Variants in PSD3 observed in about 807,000 individuals in gnomAD.
PSD3 encodes the protein pleckstrin and Sec7 domain containing 3, also known as PH and SEC7 domain-containing protein 3.
In PSD3, 49 loss-of-function variants were observed where a neutral mutation model predicts 105.5. The ratio of observed to expected loss-of-function variants is 0.46; its 90% confidence interval spans 0.37 to 0.59. PSD3 has a LOEUF of 0.59. Ranked by LOEUF, PSD3 falls within the 20% of genes least tolerant of loss-of-function variation. The probability of loss-of-function intolerance (pLI) is 0.00; values close to 1 mark genes in which losing one functional copy is unlikely to be tolerated. For missense variants in PSD3, 1,561 were observed against 1,263.8 expected (o/e 1.24, Z -3.57); for synonymous variants, 557 against 457.8 (o/e 1.22, Z -2.77).
At chr8:19,057,301 C>T (rs1025630032) in intron 1 of PSD3, among the ~76,000 whole-genome samples, 4 of 152,166 alleles carry the variant, frequency 2.6e-5, no homozygotes, top group Admixed American at 1.3e-4. Context: ...TGCTCTTCAG[C>T]CTACTAGAAT....
At chr8:19,077,579 G>A (rs1829500203) in intron 1 of PSD3, among the ~76,000 whole-genome samples, 1 of 152,106 alleles carries the variant, frequency 6.6e-6, no homozygotes, top group African/African-American at 2.4e-5. Context: ...AGAAACACTT[G>A]CAGAGAGTTG....
At chr8:18,750,987 G>T (rs1253965119) in intron 9 of PSD3, among the ~76,000 whole-genome samples, 1 of 152,140 alleles carries the variant, frequency 6.6e-6, no homozygotes, top group African/African-American at 2.4e-5. Context: ...TCACCCAGTG[G>T]ATCCCGCACC....
intron 9 of PSD3, among the ~76,000 whole-genome samples, chr8:18,747,319 G>C (rs1486004177): frequency 2.6e-5 from 4 of 152,170 alleles, no homozygotes; most frequent in Non-Finnish European, 4.4e-5. Context: ...AGGAACATGA[G>C]AGCTGGAAGA....
chr8:18,629,911 T>C (rs1440291190), intron 11 of PSD3, among the ~76,000 whole-genome samples: 1 of 151,878 alleles, frequency 6.6e-6, no homozygotes, highest in Non-Finnish European at 1.5e-5. Context: ...TCTGCTAACA[T>C]TAATGTGATT....
chr8:18,684,018 G>T, intron 9 of PSD3: 1 of 684,482 alleles, frequency 1.5e-6, no homozygotes, highest in Non-Finnish European at 2.7e-6. Flanking sequence ...GAGGAACTCT[G>T]CGGGGTTGTG....
intron 2 of PSD3, among the ~76,000 whole-genome samples, chr8:18,913,548 T>A (rs1401993051): frequency 6.6e-6 from 1 of 150,904 alleles, no homozygotes; most frequent in Non-Finnish European, 1.5e-5. Flanking sequence ...AGGGGCCTCA[T>A]GCTCTACAGA....
At chr8:18,781,879 T>C (rs1309300634) in intron 8 of PSD3, among the ~76,000 whole-genome samples, 1 of 152,118 alleles carries the variant, frequency 6.6e-6, no homozygotes, top group Non-Finnish European at 1.5e-5. Context: ...GCTTTCTTCG[T>C]TTTTATTTTT....
chr8:18,717,990 T>C (rs913954339), intron 9 of PSD3, among the ~76,000 whole-genome samples: 3 of 152,150 alleles, frequency 2.0e-5, no homozygotes, highest in Non-Finnish European at 4.4e-5. Context: ...CCCAGCGGCC[T>C]GCCTCTGGGA....
chr8:18,921,730 G>T (rs1821034157), intron 2 of PSD3, among the ~76,000 whole-genome samples: 1 of 152,228 alleles, frequency 6.6e-6, no homozygotes, highest in East Asian at 1.9e-4. Context: ...ATGGGCAAAA[G>T]TATAAAGTCA....
intron 9 of PSD3, among the ~76,000 whole-genome samples, chr8:18,656,547 A>G (rs765971968): frequency 6.6e-6 from 1 of 152,142 alleles, no homozygotes; most frequent in Non-Finnish European, 1.5e-5. Flanking sequence ...ACAGTTAAGT[A>G]TTACATTTTG....
At chr8:18,601,475 T>A (rs1297894206) in intron 11 of PSD3, among the ~76,000 whole-genome samples, 2 of 152,168 alleles carry the variant, frequency 1.3e-5, no homozygotes, top group African/African-American at 4.8e-5. Context: ...ATCCTTTAAA[T>A]CTCTTTTGAC....
intron 8 of PSD3, among the ~76,000 whole-genome samples, chr8:18,784,530 T>A (rs1468911153): frequency 6.6e-6 from 1 of 152,194 alleles, no homozygotes; most frequent in African/African-American, 2.4e-5. Flanking sequence ...ACCCCAAGTT[T>A]CGGGTGTCAA....
intron 9 of PSD3, among the ~76,000 whole-genome samples, chr8:18,750,544 G>A (rs1477299766): frequency 2.0e-5 from 3 of 152,064 alleles, no homozygotes; most frequent in Middle Eastern, 3.2e-3. Flanking sequence ...ATTGCAAAGA[G>A]CGAAAGAACA....
chr8:18,921,875 C>G (rs1267027939), intron 2 of PSD3, among the ~76,000 whole-genome samples: 1 of 152,188 alleles, frequency 6.6e-6, no homozygotes, highest in African/African-American at 2.4e-5. Context: ...GGCACCAGCA[C>G]TATTTCATGT....
chr8:18,580,045 CA>C, intron 12 of PSD3, among the ~76,000 whole-genome samples: 1 of 152,234 alleles, frequency 6.6e-6, no homozygotes, highest in South Asian at 2.1e-4. Context: ...TTGAAACTGG[CA>C]TTAAAAATGT....
intron 15 of PSD3, among the ~76,000 whole-genome samples, chr8:18,537,074 C>T (rs1007113547): frequency 2.0e-5 from 3 of 152,214 alleles, no homozygotes; most frequent in Non-Finnish European, 2.9e-5. Context: ...GCTACCTTTT[C>T]AAGCTGCTTC....
intron 15 of PSD3, among the ~76,000 whole-genome samples, chr8:18,540,625 G>A (rs1800102023): frequency 6.6e-6 from 1 of 152,040 alleles, no homozygotes. Flanking sequence ...TTTCTAGTCT[G>A]GACCGAGCTC....
chr8:19,023,765 C>T (rs911269593), intron 1 of PSD3, among the ~76,000 whole-genome samples: 8 of 152,196 alleles, frequency 5.3e-5, no homozygotes, highest in Non-Finnish European at 8.8e-5. Context: ...AGCTCTAGAA[C>T]GTTTCCATGA....
chr8:18,912,592 T>C (rs964531255), intron 2 of PSD3, among the ~76,000 whole-genome samples: 1 of 152,216 alleles, frequency 6.6e-6, no homozygotes, highest in Non-Finnish European at 1.5e-5. Context: ...TGCCTGTTAA[T>C]GTTTATCATC....
Sources: gnomAD v4.1 joint callset for allele counts (sites outside exome capture counted in the v4.1 genomes callset) on GRCh38, gnomAD v4.1.1 for gene constraint, MANE v1.5 for transcripts, NCBI Gene and HGNC (gene_info 2026-07-23, HGNC 2026-07-21) for gene names.